FER: variants seen among roughly 807,000 people sequenced by gnomAD.
The protein encoded by FER is tyrosine-protein kinase Fer.
Under a neutral mutation model 111.0 loss-of-function variants are expected in FER, and 63 were observed. The observed-to-expected ratio is 0.57, with a 90% CI of 0.46 to 0.70. The LOEUF (loss-of-function observed/expected upper bound fraction) is 0.70, where lower values mean the gene tolerates loss of function less well. Ranked by LOEUF, FER falls within the 30% of genes least tolerant of loss-of-function variation. FER has a pLI of 0.00. For synonymous variants in FER, 327 were observed against 313.9 expected (o/e 1.04, Z -0.44); for missense variants, 914 against 954.0 (o/e 0.96, Z 0.55).
At chr5:109,038,085 A>C (rs1282291639) in intron 14 of FER, among the ~76,000 whole-genome samples, 1 of 151,924 alleles carries the variant, frequency 6.6e-6, no homozygotes, top group African/African-American at 2.4e-5. Context: ...CTTTGAACTC[A>C]TAGGCCGTAG....
At chr5:109,180,698 G>A (rs1335888581) in intron 17 of FER, 49 bp from the exon 18 acceptor site, 2 of 1,541,788 alleles carry the variant, frequency 1.3e-6, no homozygotes, top group Non-Finnish European at 8.7e-7. Flanking sequence ...TGTGAAAGTG[G>A]CTTTCAATTT....
At chr5:108,879,080 T>C (rs1458614923) in intron 8 of FER, among the ~76,000 whole-genome samples, 4 of 152,146 alleles carry the variant, frequency 2.6e-5, no homozygotes, top group African/African-American at 9.7e-5. Flanking sequence ...TATAAAGTGC[T>C]TAAAACTATG....
rs188988304 is a variant in FER, at chr5:109,077,280, A to G, written c.1925-23116A>G. On this transcript the variant is annotated intron_variant, in intron 16 of 19. Transcript: ENST00000281092. ...CTATTTAGAGTACATGAGCAACCGT[A>G]ATGAAACTTTCTTAGATTTTTACAT... 7.8e-3 allele frequency among the ~76,000 whole-genome samples: 1,185 copies of G among 152,326 alleles called. 12 individuals are homozygous for G. The highest frequency in any genetic ancestry group is 0.028 in the African/African-American group (1,148 of 41,568).
intron 16 of FER, among the ~76,000 whole-genome samples, chr5:109,051,151 G>C (rs963776890): frequency 6.6e-6 from 1 of 152,110 alleles, no homozygotes; most frequent in African/African-American, 2.4e-5. Context: ...TACACCCCCA[G>C]TGAACCTAGG....
At chr5:109,159,786 T>C (rs1358408810) in intron 17 of FER, among the ~76,000 whole-genome samples, 1 of 152,220 alleles carries the variant, frequency 6.6e-6, no homozygotes, top group East Asian at 1.9e-4. Context: ...GACTAGAGTC[T>C]GCGAATAGTC....
chr5:109,043,932 C>G (rs1440851610), intron 14 of FER, among the ~76,000 whole-genome samples: 1 of 151,704 alleles, frequency 6.6e-6, no homozygotes, highest in Non-Finnish European at 1.5e-5. Context: ...GATTGTGCTG[C>G]TGCACTCCAG....
chr5:108,788,801 A>C (rs1447726102), intron 2 of FER, among the ~76,000 whole-genome samples: 7 of 152,206 alleles, frequency 4.6e-5, no homozygotes, highest in Non-Finnish European at 1.0e-4. Flanking sequence ...AAACGATTAT[A>C]GTTTACTCAA....
chr5:109,029,220 C>CTTTTT (rs558664340), intron 13 of FER, among the ~76,000 whole-genome samples: 2 of 109,962 alleles, frequency 1.8e-5, no homozygotes, highest in African/African-American at 6.8e-5. Context: ...TTTAGGCTTT[C>CTTTTT]TTTTTTTTTT....
intron 13 of FER, among the ~76,000 whole-genome samples, chr5:109,028,112 T>C (rs1381642473): frequency 6.6e-6 from 1 of 152,160 alleles, no homozygotes; most frequent in Non-Finnish European, 1.5e-5. Flanking sequence ...TGAGTCATTA[T>C]TTTTTTAGGT....
chr5:108,827,051 CT>C (rs1229075321), intron 3 of FER, among the ~76,000 whole-genome samples: 2 of 152,098 alleles, frequency 1.3e-5, no homozygotes, highest in Non-Finnish European at 2.9e-5. Flanking sequence ...GAGCTTTGCA[CT>C]TTATTAGAGG....
intron 10 of FER, among the ~76,000 whole-genome samples, chr5:108,935,942 A>T (rs1468003731): frequency 6.6e-6 from 1 of 152,032 alleles, no homozygotes; most frequent in African/African-American, 2.4e-5. Flanking sequence ...TTCAAATAGC[A>T]TTACTTTTTG....
At chr5:109,060,106 A>G (rs1774193129) in intron 16 of FER, among the ~76,000 whole-genome samples, 1 of 152,232 alleles carries the variant, frequency 6.6e-6, no homozygotes, top group Non-Finnish European at 1.5e-5. Context: ...TGAAATACCC[A>G]GAAAAGACAA....
chr5:109,081,693 G>A (rs1777002920), intron 16 of FER, among the ~76,000 whole-genome samples: 1 of 151,894 alleles, frequency 6.6e-6, no homozygotes, highest in Admixed American at 6.6e-5. Context: ...TTCAGCAACA[G>A]GAAAATACAA....
At chr5:109,129,530 C>A (rs1240654632) in intron 17 of FER, among the ~76,000 whole-genome samples, 2 of 151,958 alleles carry the variant, frequency 1.3e-5, no homozygotes, top group Non-Finnish European at 2.9e-5. Context: ...CAACCAGTCA[C>A]TGTTAAATGA....
rs779324246 is a variant in FER, at chr5:109,180,792, G to A, written c.2094G>A (p.Leu698=). The A allele has an allele frequency of 6.2e-7, 1 of 1,613,384 alleles. No homozygotes were observed. Among genetic ancestry groups the A allele is most frequent in the Non-Finnish European group, 8.5e-7 (1 of 1,179,636 alleles). The change falls in exon 18 of 20, where the codon CTG becomes CTA. Residue 698 remains leucine (L), a synonymous_variant. Transcript: ENST00000281092. ...GCCTGGTAGGTGAAAATAATGTTCTGAAAATCAGTGACTTTGGAATGTCTC... is the reference window on the plus strand; with the variant it reads ...GCCTGGTAGGTGAAAATAATGTTCTAAAAATCAGTGACTTTGGAATGTCTC... ...RNCLVGENNV[L]KISDFGMSRQ... is the part of the protein sequence containing the mutation.
intron 5 of FER, among the ~76,000 whole-genome samples, chr5:108,840,934 C>T (rs576505431): frequency 6.6e-6 from 1 of 152,260 alleles, no homozygotes; most frequent in East Asian, 1.9e-4. Context: ...TATCCAATGG[C>T]TTGGCATCCA....
At chr5:109,077,605 G>A (rs1776490884) in intron 16 of FER, among the ~76,000 whole-genome samples, 1 of 152,116 alleles carries the variant, frequency 6.6e-6, no homozygotes, top group African/African-American at 2.4e-5. Flanking sequence ...TGTAAACTCT[G>A]TCATTAAACC....
intron 13 of FER, among the ~76,000 whole-genome samples, chr5:109,024,163 A>G (rs2149838646): frequency 6.6e-6 from 1 of 152,292 alleles, no homozygotes; most frequent in East Asian, 1.9e-4. Flanking sequence ...TAACAAATAC[A>G]TAGAACAGAA....
At chr5:109,172,938 T>G (rs1757298428) in intron 17 of FER, among the ~76,000 whole-genome samples, 1 of 152,210 alleles carries the variant, frequency 6.6e-6, no homozygotes, top group Non-Finnish European at 1.5e-5. Context: ...TCACAGTAAT[T>G]AAATGCAAAG....
Sources: gnomAD v4.1 joint callset for allele counts (sites outside exome capture counted in the v4.1 genomes callset) on GRCh38, gnomAD v4.1.1 for gene constraint, MANE v1.5 for transcripts, NCBI Gene and HGNC (gene_info 2026-07-23, HGNC 2026-07-21) for gene names.